Variants in ANK1 observed in about 807,000 individuals in gnomAD.
ANK1 encodes ankyrin-1.
A neutral mutation model predicts 210.4 loss-of-function variants in ANK1; 51 were observed. The ratio of observed to expected loss-of-function variants is 0.24; its 90% CI spans 0.19 to 0.31. The LOEUF is 0.31. Ranked by LOEUF, ANK1 falls within the 10% of genes least tolerant of loss-of-function variation. The probability of loss-of-function intolerance (pLI) is 1.00; values close to 1 mark genes in which losing one functional copy is unlikely to be tolerated. For synonymous variants in ANK1, 967 were observed against 1,025.9 expected (o/e 0.94, Z 1.10); for missense variants, 2,051 against 2,504.4 (o/e 0.82, Z 3.86).
intron 1 of ANK1, among the ~76,000 whole-genome samples, chr8:41,772,188 G>T (rs1334303779): frequency 6.6e-6 from 1 of 152,160 alleles, no homozygotes; most frequent in African/African-American, 2.4e-5. Context: ...GAACTCAATA[G>T]CAACAACACT....
chr8:41,845,934 T>C (rs1809961168), intron 1 of ANK1, among the ~76,000 whole-genome samples: 1 of 152,216 alleles, frequency 6.6e-6, no homozygotes, highest in Admixed American at 6.5e-5. Context: ...TTCTTCCATC[T>C]TTTTCCCCCT....
intron 2 of ANK1, among the ~76,000 whole-genome samples, chr8:41,740,804 C>G (rs1452922864): frequency 6.6e-6 from 1 of 152,224 alleles, no homozygotes; most frequent in African/African-American, 2.4e-5. Context: ...ACCATGTCCC[C>G]TGGGATACAG....
At chr8:41,896,213 C>G in intron 1 of ANK1, 1 of 1,249,300 alleles carries the variant, frequency 8.0e-7, no homozygotes, top group Non-Finnish European at 1.0e-6. Context: ...TCTACGCCCA[C>G]CGAGCCTTCC....
chr8:41,655,501 C>G lies in ANK1; in HGVS notation c.*289G>C. 1.8e-6 allele frequency: 1 copy of G among 550,856 alleles called. No individual in the cohort carries two copies. The highest frequency in any genetic ancestry group is 3.2e-6 in the Non-Finnish European group (1 of 310,792). 34.1% of individuals were successfully genotyped at this position (550,856 alleles called of 1,614,324 possible). A position where few individuals can be genotyped will look rare whatever the true frequency, so the allele number is the denominator to read the frequency against. ...CTTGTTTTCTATCCCTCTCTCTCCC[C>G]GCTTCTTGCTGCTTTTGTGTCCTGG... On this transcript the variant is annotated 3_prime_UTR_variant, in exon 43 of 43. Coordinates refer to ENST00000289734, the MANE Select transcript of ANK1 (RefSeq NM_000037.4).
In ANK1 at chr8:41,665,816, C is replaced by T. The variant is rs139331298; in HGVS notation, c.5395-2074G>A. On this transcript the variant is annotated intron_variant, in intron 39 of 42. Coordinates refer to ENST00000289734, the MANE Select transcript of ANK1 (RefSeq NM_000037.4). ...CCTTGCACCCTTCCTTTATGGGGTA[C>T]AGCCTCCCAAAACTGAAGCATGGAG... 536 of 155,794 alleles carry T rather than the reference C, an allele frequency of 3.4e-3. 3 individuals carry two copies. Among genetic ancestry groups the T allele is most frequent in the African/African-American group, 0.011 (470 of 41,590 alleles). The allele number at this position is 155,794 out of a possible 1,614,324, so 9.7% of individuals were successfully genotyped here.
chr8:41,811,083 T>C (rs1802417113), intron 1 of ANK1, among the ~76,000 whole-genome samples: 2 of 152,204 alleles, frequency 1.3e-5, no homozygotes, highest in African/African-American at 4.8e-5. Flanking sequence ...AAATCTTGCC[T>C]GCCCTGGTTA....
At chr8:41,824,673 C>G (rs968654396) in intron 1 of ANK1, among the ~76,000 whole-genome samples, 1 of 152,144 alleles carries the variant, frequency 6.6e-6, no homozygotes, top group Admixed American at 6.5e-5. Context: ...ATCTGGGGCT[C>G]TAGGAAAGGT....
intron 2 of ANK1, among the ~76,000 whole-genome samples, chr8:41,736,986 T>A (rs897212459): frequency 6.6e-5 from 10 of 152,020 alleles, no homozygotes; most frequent in African/African-American, 2.4e-4. Flanking sequence ...GGAGGTTTGG[T>A]TTTCTCCCCG....
chr8:41,876,721 A>G (rs1816688212), intron 1 of ANK1, among the ~76,000 whole-genome samples: 1 of 152,180 alleles, frequency 6.6e-6, no homozygotes, highest in Non-Finnish European at 1.5e-5. Flanking sequence ...TGTCATGTTT[A>G]TTAAGACAGG....
rs775491062 is a variant in ANK1, at chr8:41,672,433, C to T, written c.5017G>A (p.Val1673Ile). 17 of 1,614,086 alleles carry T rather than the reference C, an allele frequency of 1.1e-5. No individual in the cohort carries two copies. Among genetic ancestry groups the T allele is most frequent in the South Asian group, 6.6e-5 (6 of 91,080 alleles). ...GQDSENEVSLVSGHQRGQARI... is the reference protein window; with the variant it reads ...GQDSENEVSLISGHQRGQARI... Reference sequence around the variant, plus strand: ...GCTTGCCCCCTCTGATGGCCTGAAACAAGAGACACTTCATTCTCTGAGTCC... The same window carrying T: ...GCTTGCCCCCTCTGATGGCCTGAAATAAGAGACACTTCATTCTCTGAGTCC... The change falls in exon 38 of 43, where the codon GTT becomes ATT. Residue 1673 changes from valine (V) to isoleucine (I), a missense_variant. Val to Ile is a conservative substitution (Grantham distance 29). This residue lies in a region of ANK1 where 496 missense variants were observed against 533.4 expected (regional missense o/e 0.93). Transcript: ENST00000289734.
At chr8:41,774,157 C>T (rs886547936) in intron 1 of ANK1, among the ~76,000 whole-genome samples, 6 of 152,050 alleles carry the variant, frequency 3.9e-5, no homozygotes, top group East Asian at 1.9e-4. Context: ...TTCTCATCTC[C>T]GCTCAACTCA....
chr8:41,688,606 G>A lies in ANK1; in HGVS notation c.4105-17C>T. The stretch of plus-strand genomic sequence containing the variant: ...TCCACTTCCCTGCAGAAGAAGAAAG[G>A]GTGCTTTGGGTTTTGGACTCTCCCC... On this transcript the variant is annotated splice_polypyrimidine_tract_variant and intron_variant, in intron 33 of 42. Transcript: ENST00000289734. 1.2e-6 allele frequency: 2 copies of A among 1,612,708 alleles called. No homozygotes were observed. The highest frequency in any genetic ancestry group is 1.7e-6 in the Non-Finnish European group (2 of 1,178,762).
At chr8:41,784,633 T>G (rs1845991975) in intron 1 of ANK1, among the ~76,000 whole-genome samples, 1 of 152,234 alleles carries the variant, frequency 6.6e-6, no homozygotes, top group African/African-American at 2.4e-5. Context: ...AGCTTTTTTT[T>G]GCCTTCCACA....
intron 1 of ANK1, among the ~76,000 whole-genome samples, chr8:41,783,869 A>G (rs543356263): frequency 5.6e-4 from 85 of 152,180 alleles, no homozygotes; most frequent in African/African-American, 2.0e-3. Flanking sequence ...TTGCCACCAG[A>G]CTGGGCAACA....
chr8:41,724,653 T>C, intron 6 of ANK1, 99 bp from the exon 7 acceptor site: 1 of 1,100,108 alleles, frequency 9.1e-7, no homozygotes, highest in Non-Finnish European at 1.3e-6. Context: ...GCAACAGGAC[T>C]TTACAGACAA....
chr8:41,737,842 G>A (rs145131021), intron 2 of ANK1, among the ~76,000 whole-genome samples: 17 of 152,312 alleles, frequency 1.1e-4, no homozygotes, highest in African/African-American at 3.6e-4. Flanking sequence ...GGAAGCACTT[G>A]TCTCAGCCAC....
At position 41,661,410 on chromosome 8, in the gene ANK1, G is replaced by C; in HGVS notation, c.*36+20C>G. 6.2e-7 allele frequency: 1 copy of C among 1,613,432 alleles called. No individual in the cohort carries two copies. The highest frequency in any genetic ancestry group is 8.5e-7 in the Non-Finnish European group (1 of 1,179,946). ...ACTGAAGACCAGGCCATGCAGAGGGGATGAGAAGGGCAGCGTTACCTCCCG... is the reference window on the plus strand; with the variant it reads ...ACTGAAGACCAGGCCATGCAGAGGGCATGAGAAGGGCAGCGTTACCTCCCG... On this transcript the variant is annotated intron_variant, in intron 42 of 42. Coordinates refer to ENST00000289734, the MANE Select transcript of ANK1 (RefSeq NM_000037.4).
In ANK1 at chr8:41,715,660, T is replaced by C. The variant is rs752289346; in HGVS notation, c.1594A>G (p.Met532Val). 16 of 1,613,300 alleles carry C rather than the reference T, an allele frequency of 9.9e-6. 1 individual carries two copies. Among genetic ancestry groups the C allele is most frequent in the Non-Finnish European group, 2.5e-6 (3 of 1,179,972 alleles). ...GAGGCGGGAGGCTGTACCTTGGTCATGCAGGCCTGGGATGCTTCCTTTTCC... is the reference window on the plus strand; with the variant it reads ...GAGGCGGGAGGCTGTACCTTGGTCACGCAGGCCTGGGATGCTTCCTTTTCC... ...LLEKEASQAC[M>V]TKKGFTPLHV... is the part of the protein sequence containing the mutation. Residue 532 changes from methionine to valine, a missense_variant, in exon 14 of 43, where the codon ATG becomes GTG. By Grantham distance (21) the Met-to-Val change is conservative (BLOSUM62 1). Around this residue, in one of 6 missense-constraint regions of ANK1, gnomAD observed 1,413 missense variants for 1,707.4 expected, o/e 0.83. Transcript: ENST00000289734.
At chr8:41,730,632 G>A (rs1831959368) in intron 3 of ANK1, among the ~76,000 whole-genome samples, 1 of 152,166 alleles carries the variant, frequency 6.6e-6, no homozygotes, top group Non-Finnish European at 1.5e-5. Context: ...ATGAAAGTCT[G>A]GAAGCTCATT....
Sources: allele counts gnomAD v4.1 joint callset (sites outside exome capture counted in the v4.1 genomes callset), GRCh38; gene constraint gnomAD v4.1.1; regional missense constraint gnomAD v4.1.1; transcripts MANE v1.5; gene names NCBI Gene and HGNC (gene_info 2026-07-23, HGNC 2026-07-21).